The following ZNF718 variants were observed in gnomAD, a reference collection of about 807,000 sequenced individuals.
ZNF718 encodes the protein zinc finger protein 718.
A neutral mutation model predicts 2.6 loss-of-function variants in ZNF718; 3 were observed. The ratio of observed to expected loss-of-function variants is 1.16; its 90% confidence interval spans 0.53 to 3.01. ZNF718 has a LOEUF of 3.01. Among genes scored for constraint, ZNF718 ranks in the 30% most tolerant of loss-of-function variants. ZNF718 has a pLI of 0.03. For missense variants in ZNF718, 468 were observed against 230.0 expected, an observed-to-expected ratio of 2.03 and a Z score of -6.69; for synonymous variants, 135 against 77.9, an observed-to-expected ratio of 1.73 and a Z score of -3.86.
chr4:196,198 C>A lies in ZNF718; in HGVS notation c.227-4883C>A, dbSNP rs527701270. Among the ~76,000 whole-genome samples, 5 of 152,296 alleles carry A rather than the reference C, an allele frequency of 3.3e-5. No homozygotes were observed. In the South Asian group the frequency reaches 1.0e-3, roughly 32 times the overall value. On this transcript the variant is annotated intron_variant and NMD_transcript_variant, in intron 3 of 4. Transcript: ENST00000642529. Reference sequence around the variant, plus strand: ...CTTGGAGATTGTATTGCAGAGGGGTCAGCTGGGTAGAAATTGGGGAAGGAG... The same window carrying A: ...CTTGGAGATTGTATTGCAGAGGGGTAAGCTGGGTAGAAATTGGGGAAGGAG...
intron 3 of ZNF718, chr4:136,559 C>A: frequency 2.1e-6 from 1 of 478,760 alleles, no homozygotes. Context: ...GGGTGAGGCC[C>A]TGCTTTTTCC....
intron 1 of ZNF718, among the ~76,000 whole-genome samples, chr4:126,524 T>C (rs1323427293): frequency 3.3e-5 from 5 of 152,246 alleles, no homozygotes; most frequent in Non-Finnish European, 7.3e-5. Context: ...CTTCAGCAGG[T>C]ACCTGGCTCC....
Position 131,517 on chromosome 4 carries a change from T to C in ZNF718, c.226+12T>C. The C allele has an allele frequency of 2.4e-6, 1 of 419,528 alleles. No individual in the cohort carries two copies. Among genetic ancestry groups the C allele is most frequent in the Admixed American group, 5.0e-5 (1 of 19,992 alleles). 26.0% of individuals were successfully genotyped at this position (419,528 alleles called of 1,614,324 possible). On this transcript the variant is annotated intron_variant, in intron 3 of 3. Coordinates refer to ENST00000510175, the MANE Select transcript of ZNF718 (RefSeq NM_001039127.6). ...AGCCAGACCCCCAGGTAGGTGAGAGTGAATGGAGGAGAGGACACAGACAAG... is the reference window on the plus strand; with the variant it reads ...AGCCAGACCCCCAGGTAGGTGAGAGCGAATGGAGGAGAGGACACAGACAAG...
At chr4:153,765 C>G (rs1467928271) in intron 3 of ZNF718, among the ~76,000 whole-genome samples, 1 of 152,134 alleles carries the variant, frequency 6.6e-6, no homozygotes, top group African/African-American at 2.4e-5. Context: ...TTTGACAAAT[C>G]TATGGCTGAA....
At chr4:160,835 G>A in intron 3 of ZNF718, 77 bp from the exon 4 acceptor site, 3 of 673,988 alleles carry the variant, frequency 4.5e-6, no homozygotes, top group Non-Finnish European at 8.1e-6. Context: ...ACTGGCTTGA[G>A]CTATAGTGCC....
At chr4:180,015 TGAAAG>T (rs1483341799) in intron 3 of ZNF718, among the ~76,000 whole-genome samples, 2 of 151,678 alleles carry the variant, frequency 1.3e-5, no homozygotes, top group African/African-American at 2.4e-5. Context: ...ATTTAAAAAA[TGAAAG>T]GAAGAAAGGA....
At chr4:157,103 C>CTTTTTTTTTT (rs199814257) in intron 3 of ZNF718, among the ~76,000 whole-genome samples, 5 of 103,152 alleles carry the variant, frequency 4.8e-5, no homozygotes, top group African/African-American at 4.0e-5. Context: ...TTCTTTCTTT[C>CTTTTTTTTTT]TTTTTTTTTT....
chr4:167,680 G>A (rs140262800), downstream of ZNF718, among the ~76,000 whole-genome samples: 1 of 151,958 alleles, frequency 6.6e-6, no homozygotes, highest in Non-Finnish European at 1.5e-5. Flanking sequence ...AGAACGCTTG[G>A]GATTTTTGCA....
At chr4:194,672 T>G (rs1717757301) in intron 3 of ZNF718, among the ~76,000 whole-genome samples, 4 of 152,196 alleles carry the variant, frequency 2.6e-5, no homozygotes, top group Admixed American at 1.3e-4. Flanking sequence ...AACATCAATA[T>G]AGCCGTCAGG....
intron 3 of ZNF718, among the ~76,000 whole-genome samples, chr4:173,856 C>T (rs1242058611): frequency 1.3e-5 from 2 of 152,158 alleles, no homozygotes; most frequent in Non-Finnish European, 2.9e-5. Context: ...CCTAACAGTG[C>T]AGCTAGGGGA....
chr4:152,688 ATC>A (rs1338748727), intron 3 of ZNF718, among the ~76,000 whole-genome samples: 3 of 152,056 alleles, frequency 2.0e-5, no homozygotes, highest in Non-Finnish European at 4.4e-5. Flanking sequence ...TAACAATCTG[ATC>A]TCTCTTGCTT....
At chr4:197,379 CAGAACT>C (rs1186572470) in intron 3 of ZNF718, among the ~76,000 whole-genome samples, 1 of 152,062 alleles carries the variant, frequency 6.6e-6, no homozygotes, top group Non-Finnish European at 1.5e-5. Context: ...AAGCTTGGGT[CAGAACT>C]GGAACTGGAA....
chr4:178,771 G>A (rs1037622319), intron 3 of ZNF718, among the ~76,000 whole-genome samples: 6 of 152,144 alleles, frequency 3.9e-5, no homozygotes, highest in African/African-American at 1.2e-4. Flanking sequence ...TGTTTTAGAA[G>A]TCATTTATAC....
intron 3 of ZNF718, among the ~76,000 whole-genome samples, chr4:160,200 A>G (rs1463773763): frequency 6.6e-6 from 1 of 152,230 alleles, no homozygotes; most frequent in Admixed American, 6.5e-5. Context: ...AACCAGAAGT[A>G]GGAATGCGTG....
At chr4:158,882 T>G (rs1268850166) in intron 3 of ZNF718, among the ~76,000 whole-genome samples, 1 of 113,740 alleles carries the variant, frequency 8.8e-6, no homozygotes, top group Non-Finnish European at 1.7e-5. Context: ...TGAAAGATAC[T>G]TTCTTTAGCC....
chr4:193,476 G>A (rs369472465), intron 3 of ZNF718, among the ~76,000 whole-genome samples: 1 of 152,160 alleles, frequency 6.6e-6, no homozygotes, highest in South Asian at 2.1e-4. Context: ...TAATTCTAGT[G>A]TATAATGGCC....
chr4:190,812 G>C (rs1055630756), intron 3 of ZNF718, among the ~76,000 whole-genome samples: 1 of 151,900 alleles, frequency 6.6e-6, no homozygotes, highest in Non-Finnish European at 1.5e-5. Flanking sequence ...AGGCTGGGGC[G>C]GGCAGATCAC....
intron 3 of ZNF718, among the ~76,000 whole-genome samples, chr4:143,756 A>C (rs1380890062): frequency 6.6e-6 from 1 of 152,176 alleles, no homozygotes; most frequent in African/African-American, 2.4e-5. Context: ...CATGCAGTGA[A>C]ATCTCCAGCC....
chr4:169,135 T>A (rs1717163758), downstream of ZNF718, among the ~76,000 whole-genome samples: 1 of 152,192 alleles, frequency 6.6e-6, no homozygotes. Flanking sequence ...AGGAGCAGGT[T>A]GTTCAGTTTC....
Sources: allele counts gnomAD v4.1 joint callset (sites outside exome capture counted in the v4.1 genomes callset), GRCh38; gene constraint gnomAD v4.1.1; transcripts MANE v1.5; gene names NCBI Gene and HGNC (gene_info 2026-07-23, HGNC 2026-07-21).